Variants in GAS5 observed in about 807,000 individuals in gnomAD.
The protein encoded by GAS5 is growth arrest specific 5 (non-protein coding).
intron 1 of GAS5, chr1:173,866,797 C>G: frequency 1.3e-6 from 1 of 765,126 alleles, no homozygotes; most frequent in African/African-American, 1.7e-5. Context: ...GGGGACACAA[C>G]TAGAAAACAA....
chr1:173,867,667 G>GC (rs754894525), upstream of GAS5: 2 of 519,066 alleles, frequency 3.9e-6, no homozygotes, highest in Non-Finnish European at 7.7e-6. Flanking sequence ...GGGTGACTCG[G>GC]CATGTGCCAC....
At chr1:173,867,885 T>A (rs1426660231), upstream of GAS5, 2 of 419,352 alleles carry the variant, frequency 4.8e-6, no homozygotes. Context: ...GAAGTCCCAG[T>A]CAATTCAGGG....
At chr1:173,865,169 T>G (rs1306754406) in intron 6 of GAS5, 1 of 336,962 alleles carries the variant, frequency 3.0e-6, no homozygotes, top group African/African-American at 2.2e-5. Context: ...TGCACTCCAT[T>G]CTGGGCAAGA....
chr1:173,866,602 ACT>A (rs763047764), intron 2 of GAS5: 70 of 763,368 alleles, frequency 9.2e-5, no homozygotes, highest in Middle Eastern at 4.5e-4. Context: ...ACTTAGGTGT[ACT>A]CTCTATGTTC....
chr1:173,867,781 T>C (rs980401802), upstream of GAS5: 1 of 519,116 alleles, frequency 1.9e-6, no homozygotes, highest in Non-Finnish European at 3.8e-6. Context: ...AGTTCTACTC[T>C]AACATAGTCG....
chr1:173,866,311 G>C (rs997043176), intron 3 of GAS5: 3 of 517,166 alleles, frequency 5.8e-6, no homozygotes, highest in Non-Finnish European at 1.2e-5. Context: ...AGATACATCA[G>C]ACAGATAGTA....
chr1:173,866,132 G>T, intron 4 of GAS5: 3 of 494,832 alleles, frequency 6.1e-6, no homozygotes, highest in South Asian at 4.3e-5. Context: ...TGTGCCGTAG[G>T]AAGTTTGCCC....
chr1:173,865,242 A>G (rs928212374), intron 6 of GAS5: 24 of 360,554 alleles, frequency 6.7e-5, no homozygotes, highest in African/African-American at 4.7e-4. Flanking sequence ...TGCTTCTTTA[A>G]AACTTGCTCC....
At chr1:173,867,675 C>T (rs1271219858), upstream of GAS5, 2 of 519,118 alleles carry the variant, frequency 3.9e-6, no homozygotes, top group South Asian at 1.4e-5. Context: ...CGGCATGTGC[C>T]ACCATCAGAG....
chr1:173,866,058 AACAAG>A (rs1214232729), intron 4 of GAS5: 4 of 519,016 alleles, frequency 7.7e-6, no homozygotes, highest in African/African-American at 1.9e-5. Flanking sequence ...TATTAATCAT[AACAAG>A]ACAAGAATCC....
At chr1:173,867,386 C>T (rs1654915225), upstream of GAS5, 1 of 353,250 alleles carries the variant, frequency 2.8e-6, no homozygotes, top group Middle Eastern at 9.6e-4. Flanking sequence ...CATGGTGGCG[C>T]GCGCCTGTAG....
exon 7 of GAS5, chr1:173,864,297 T>TAA: frequency 1.9e-6 from 1 of 513,260 alleles, no homozygotes; most frequent in Non-Finnish European, 3.9e-6. Flanking sequence ...TTGTGGTCAT[T>TAA]AAAAACCCTG....
intron 3 of GAS5, chr1:173,866,277 T>G (rs1408394321): frequency 5.9e-6 from 3 of 511,418 alleles, no homozygotes; most frequent in Non-Finnish European, 1.2e-5. Context: ...TGCTTAACCA[T>G]TAACAGCAAA....
upstream of GAS5, chr1:173,868,846 A>T (rs1030782100): frequency 1.3e-5 from 2 of 152,970 alleles, no homozygotes; most frequent in Non-Finnish European, 1.5e-5. Context: ...CCCTCTCCCC[A>T]GGCTTCCTAA....
At chr1:173,864,105 G>C in intron 7 of GAS5, 1 of 505,864 alleles carries the variant, frequency 2.0e-6, no homozygotes, top group Non-Finnish European at 4.0e-6. Context: ...AAGACTTTTA[G>C]CCACATTTAC....
upstream of GAS5, chr1:173,867,204 G>A (rs987724224): frequency 7.3e-6 from 4 of 545,778 alleles, no homozygotes; most frequent in African/African-American, 3.8e-5. Flanking sequence ...TTACAAAGAA[G>A]CACTGCACCC....
chr1:173,868,500 C>T (rs1267324130), upstream of GAS5: 1 of 153,682 alleles, frequency 6.5e-6, no homozygotes, highest in African/African-American at 2.4e-5. Context: ...GCAGCGCGCT[C>T]CTGGGGCGCT....
chr1:173,868,131 T>C, upstream of GAS5: 1 of 157,648 alleles, frequency 6.3e-6, no homozygotes, highest in Non-Finnish European at 1.4e-5. Context: ...TCCCACCCCT[T>C]AAGTCCGCCC....
chr1:173,864,427 A>C lies in GAS5; in HGVS notation n.277-123T>G, dbSNP rs374983711. ...GATATCATTATATTTCATTTGGCAG[A>C]ATCATTACATCATTGGTTACACTGA... On this transcript the variant is annotated intron_variant and non_coding_transcript_variant, in intron 6 of 7. Transcript: ENST00000651080. The C allele has an allele frequency of 5.8e-6, 3 of 518,992 alleles. No homozygotes were observed. In the Admixed American group the frequency reaches 5.8e-5, roughly 10 times the overall value. 32.1% of individuals were successfully genotyped at this position (518,992 alleles called of 1,614,324 possible).
Sources: gnomAD v4.1 joint callset for allele counts on GRCh38, gnomAD v4.1.1 for gene constraint, MANE v1.5 for transcripts, NCBI Gene and HGNC (gene_info 2026-07-23, HGNC 2026-07-21) for gene names.